The following SORCS3 variants were observed in gnomAD, a reference collection of about 807,000 sequenced individuals.
SORCS3 encodes the protein sortilin related VPS10 domain containing receptor 3, also known as VPS10 domain-containing receptor SorCS3.
Under a neutral mutation model 146.3 loss-of-function variants are expected in SORCS3, and 57 were observed. The observed-to-expected ratio is 0.39, with a 90% CI of 0.31 to 0.49. The LOEUF is 0.49. Ranked by LOEUF, SORCS3 falls within the 20% of genes least tolerant of loss-of-function variation. The probability of loss-of-function intolerance (pLI) is 0.92; values close to 1 mark genes in which losing one functional copy is unlikely to be tolerated. For synonymous variants in SORCS3, 653 were observed against 618.5 expected, an observed-to-expected ratio of 1.06 and a Z score of -0.83; for missense variants, 1,341 against 1,575.5, an observed-to-expected ratio of 0.85 and a Z score of 2.52.
At position 104,977,394 on chromosome 10, in the gene SORCS3, G is replaced by C. The variant is rs151219195; in HGVS notation, c.855G>C (p.Gly285=). The part of the protein sequence containing the change: ...ESSILISSDE[G]ATYQKYRLTF... ...GCATATTGATCAGCTCAGACGAAGG[G>C]GCGACCTATCAGAAGTATCGGCTCA... The change falls in exon 4 of 27, where the codon GGG becomes GGC. Residue 285 remains glycine, a synonymous_variant. Transcript: ENST00000369701. The C allele has an allele frequency of 6.2e-7, 1 of 1,613,754 alleles. No individual in the cohort carries two copies. The highest frequency in any genetic ancestry group is 2.2e-5 in the East Asian group (1 of 44,820).
intron 1 of SORCS3, among the ~76,000 whole-genome samples, chr10:104,700,581 T>A (rs1340002505): frequency 6.6e-6 from 1 of 151,956 alleles, no homozygotes; most frequent in Non-Finnish European, 1.5e-5. Context: ...GGCAGAACTC[T>A]CTAATTGACA....
chr10:105,234,514 T>C (rs1169257405), intron 20 of SORCS3, among the ~76,000 whole-genome samples: 1 of 151,954 alleles, frequency 6.6e-6, no homozygotes, highest in Non-Finnish European at 1.5e-5. Context: ...TTTATACCAT[T>C]TTTAGTTGTT....
chr10:105,214,550 G>T lies in SORCS3; in HGVS notation c.2484G>T (p.Thr828=). Reference sequence around the variant, plus strand: ...CCCCTCGGGGCCTCCATGTGGTGACGACCGATGGGCGGCTGGTGGCAGAGC... The same window carrying T: ...CCCCTCGGGGCCTCCATGTGGTGACTACCGATGGGCGGCTGGTGGCAGAGC... ...GKAPRGLHVV[T]TDGRLVAEQG... is the part of the protein sequence containing the mutation. The change falls in exon 18 of 27, where the codon ACG becomes ACT. Residue 828 remains threonine (T), a synonymous_variant. Transcript: ENST00000369701. The T allele has an allele frequency of 6.2e-7, 1 of 1,611,414 alleles. No individual in the cohort carries two copies. Among genetic ancestry groups the T allele is most frequent in the South Asian group, 1.1e-5 (1 of 90,700 alleles).
At chr10:104,906,743 C>T (rs1005449687) in intron 2 of SORCS3, among the ~76,000 whole-genome samples, 1 of 152,164 alleles carries the variant, frequency 6.6e-6, no homozygotes, top group Non-Finnish European at 1.5e-5. Context: ...GGTTCTCCTA[C>T]AGATGTGTTA....
At chr10:105,211,692 T>C (rs2056634975) in intron 17 of SORCS3, among the ~76,000 whole-genome samples, 2 of 152,216 alleles carry the variant, frequency 1.3e-5, no homozygotes, top group Non-Finnish European at 2.9e-5. Context: ...GGAATAAAAA[T>C]GTCAAGGATC....
At chr10:105,081,332 C>T (rs556985393) in intron 5 of SORCS3, among the ~76,000 whole-genome samples, 1 of 152,252 alleles carries the variant, frequency 6.6e-6, no homozygotes, top group Admixed American at 6.5e-5. Flanking sequence ...CACCCCCTTC[C>T]AAGACCAAGA....
At chr10:104,856,177 A>G (rs1257661069) in intron 2 of SORCS3, among the ~76,000 whole-genome samples, 1 of 152,100 alleles carries the variant, frequency 6.6e-6, no homozygotes, top group African/African-American at 2.4e-5. Context: ...AATTCATTTA[A>G]TGAGACCTAC....
intron 5 of SORCS3, among the ~76,000 whole-genome samples, chr10:105,048,627 T>C (rs1010254819): frequency 1.3e-5 from 2 of 151,562 alleles, no homozygotes; most frequent in African/African-American, 4.8e-5. Flanking sequence ...ATGGCACATG[T>C]ATACATATGT....
chr10:104,919,214 C>G (rs2019061721), intron 3 of SORCS3, among the ~76,000 whole-genome samples: 1 of 152,174 alleles, frequency 6.6e-6, no homozygotes, highest in African/African-American at 2.4e-5. Flanking sequence ...GCTCAATAAA[C>G]AGAAGTTAGG....
intron 3 of SORCS3, among the ~76,000 whole-genome samples, chr10:104,932,892 T>A (rs991675896): frequency 3.3e-5 from 5 of 152,140 alleles, no homozygotes; most frequent in African/African-American, 1.2e-4. Context: ...TGTTCTTTTC[T>A]TTCTTTATTT....
At chr10:104,806,983 G>C (rs2017685261) in intron 1 of SORCS3, among the ~76,000 whole-genome samples, 1 of 151,950 alleles carries the variant, frequency 6.6e-6, no homozygotes, top group African/African-American at 2.4e-5. Context: ...AAAACTTTCT[G>C]GACCTTGGGG....
intron 2 of SORCS3, among the ~76,000 whole-genome samples, chr10:104,875,045 G>C (rs1216220336): frequency 1.3e-5 from 2 of 152,046 alleles, no homozygotes; most frequent in Non-Finnish European, 2.9e-5. Context: ...TTGAATACAT[G>C]ATGTCTTCCA....
At chr10:105,152,810 C>T (rs895042493) in intron 9 of SORCS3, among the ~76,000 whole-genome samples, 1 of 152,172 alleles carries the variant, frequency 6.6e-6, no homozygotes, top group Admixed American at 6.5e-5. Context: ...TCACATTCTT[C>T]ATTGTGCCTG....
At chr10:105,128,656 T>C (rs999319598) in intron 7 of SORCS3, among the ~76,000 whole-genome samples, 1 of 152,210 alleles carries the variant, frequency 6.6e-6, no homozygotes, top group African/African-American at 2.4e-5. Flanking sequence ...TATTATGTAT[T>C]GCCTCTAGCC....
At chr10:104,811,174 C>G (rs981848543) in intron 1 of SORCS3, among the ~76,000 whole-genome samples, 7 of 152,178 alleles carry the variant, frequency 4.6e-5, no homozygotes, top group African/African-American at 1.7e-4. Flanking sequence ...AGGAACTGGA[C>G]CAGATATTTT....
chr10:105,091,699 T>C (rs2055710989), intron 6 of SORCS3, among the ~76,000 whole-genome samples: 1 of 152,164 alleles, frequency 6.6e-6, no homozygotes, highest in South Asian at 2.1e-4. Context: ...GAAGATACTG[T>C]CACACACTTA....
At chr10:105,220,617 C>G (rs536513501) in intron 19 of SORCS3, among the ~76,000 whole-genome samples, 1 of 152,100 alleles carries the variant, frequency 6.6e-6, no homozygotes, top group African/African-American at 2.4e-5. Context: ...TAAAAGGGTC[C>G]CCTAAAGGGG....
rs79473752 is a variant in SORCS3 at position 105,022,735 on chromosome 10, G to A, written c.955-20320G>A. On this transcript the variant is annotated intron_variant, in intron 4 of 26. Transcript: ENST00000369701. ...GGGAAAGGACATTGTTATTGTGACCGTGGGCACCTTGATTTGGAAGTATAC... is the reference window on the plus strand; with the variant it reads ...GGGAAAGGACATTGTTATTGTGACCATGGGCACCTTGATTTGGAAGTATAC... Among the ~76,000 whole-genome samples, 113 of 152,272 alleles carry A rather than the reference G, an allele frequency of 7.4e-4. No homozygotes were observed. The East Asian group carries it at 0.01, about 14-fold the overall frequency.
intron 11 of SORCS3, among the ~76,000 whole-genome samples, chr10:105,162,256 C>A (rs1365676476): frequency 1.3e-5 from 2 of 152,136 alleles, no homozygotes; most frequent in Non-Finnish European, 2.9e-5. Context: ...GGGCAATGGG[C>A]CCTCCATCAT....
Sources: allele counts gnomAD v4.1 joint callset (sites outside exome capture counted in the v4.1 genomes callset), GRCh38; gene constraint gnomAD v4.1.1; transcripts MANE v1.5; gene names NCBI Gene and HGNC (gene_info 2026-07-23, HGNC 2026-07-21).